Variants in GRAMD1B observed in about 807,000 individuals in gnomAD.
The protein encoded by GRAMD1B is GRAM domain containing 1B, also known as protein Aster-B.
A neutral mutation model predicts 99.7 loss-of-function variants in GRAMD1B; 37 were observed. The ratio of observed to expected loss-of-function variants is 0.37; its 90% confidence interval spans 0.29 to 0.49. The LOEUF is 0.49. Ranked by LOEUF, GRAMD1B falls within the 20% of genes least tolerant of loss-of-function variation. The pLI is 0.98. For synonymous variants in GRAMD1B, 427 were observed against 387.6 expected, an observed-to-expected ratio of 1.10 and a Z score of -1.19; for missense variants, 888 against 1,009.2, an observed-to-expected ratio of 0.88 and a Z score of 1.63.
In GRAMD1B at chr11:123,597,112, T is replaced by G. The variant is rs144865116; in HGVS notation, c.969+1075T>G. Among the ~76,000 whole-genome samples, 599 of 150,588 alleles carry G rather than the reference T, an allele frequency of 4.0e-3. 4 individuals are homozygous for G. Among genetic ancestry groups the G allele is most frequent in the South Asian group, 0.014 (68 of 4,756 alleles). On this transcript the variant is annotated intron_variant, in intron 7 of 19. Coordinates refer to ENST00000635736, the MANE Select transcript of GRAMD1B (RefSeq NM_001387025.1). The stretch of plus-strand genomic sequence containing the variant: ...ATTGTATGTTGGGCTGCAGGCCAAT[T>G]CCAAAGAGTCCAACTCCTTTTTTTT...
At chr11:123,603,108 G>T (rs962547813) in intron 8 of GRAMD1B, among the ~76,000 whole-genome samples, 3 of 152,174 alleles carry the variant, frequency 2.0e-5, no homozygotes, top group African/African-American at 7.2e-5. Flanking sequence ...ACTCAGTGCT[G>T]GACCTTTTCC....
At chr11:123,582,081 G>A (rs1949418207) in intron 3 of GRAMD1B, among the ~76,000 whole-genome samples, 1 of 152,240 alleles carries the variant, frequency 6.6e-6, no homozygotes, top group Non-Finnish European at 1.5e-5. Context: ...CTCGTGACCT[G>A]GGTTGCATTT....
intron 4 of GRAMD1B, among the ~76,000 whole-genome samples, chr11:123,593,094 A>G (rs1419769183): frequency 6.6e-6 from 1 of 151,696 alleles, no homozygotes; most frequent in Non-Finnish European, 1.5e-5. Context: ...TAGCCGGGAG[A>G]GGTGGCACAT....
intron 4 of GRAMD1B, among the ~76,000 whole-genome samples, chr11:123,585,670 C>T (rs369398627): frequency 1.7e-4 from 26 of 152,280 alleles, no homozygotes; most frequent in African/African-American, 5.5e-4. Flanking sequence ...GGGAGCGACC[C>T]GCAGCCCAGC....
At chr11:123,618,671 T>C (rs1954757442) in intron 17 of GRAMD1B, 22 bp from the exon 18 acceptor site, 1 of 1,348,604 alleles carries the variant, frequency 7.4e-7, no homozygotes, top group Admixed American at 1.9e-5. Flanking sequence ...CTGATGTTTT[T>C]TTCCCCACGT....
intron 1 of GRAMD1B, among the ~76,000 whole-genome samples, chr11:123,376,042 G>A (rs1382817112): frequency 2.0e-5 from 3 of 151,658 alleles, no homozygotes; most frequent in African/African-American, 4.8e-5. Context: ...TCACAGTTAC[G>A]CACACTTGGC....
intron 2 of GRAMD1B, among the ~76,000 whole-genome samples, chr11:123,485,058 C>T (rs1353065617): frequency 2.6e-5 from 4 of 152,164 alleles, no homozygotes; most frequent in Admixed American, 2.6e-4. Context: ...CAGTCATCTT[C>T]TTTACTCTTC....
intron 1 of GRAMD1B, among the ~76,000 whole-genome samples, chr11:123,391,055 C>A (rs966093809): frequency 9.2e-5 from 14 of 152,240 alleles, no homozygotes; most frequent in Non-Finnish European, 1.8e-4. Context: ...TCTAAATTTG[C>A]AGTTTCTAAA....
intron 2 of GRAMD1B, among the ~76,000 whole-genome samples, chr11:123,503,642 G>A (rs974637180): frequency 3.9e-5 from 6 of 151,954 alleles, no homozygotes; most frequent in Admixed American, 3.9e-4. Context: ...TGCCTCCCGG[G>A]TTCAAGGCAT....
intron 1 of GRAMD1B, among the ~76,000 whole-genome samples, chr11:123,477,935 T>G (rs1336813838): frequency 2.6e-5 from 4 of 151,722 alleles, no homozygotes; most frequent in African/African-American, 9.7e-5. Context: ...CCACCAAGAC[T>G]GGCTAATTTT....
intron 1 of GRAMD1B, among the ~76,000 whole-genome samples, chr11:123,444,859 G>A (rs1222820031): frequency 6.6e-6 from 1 of 152,180 alleles, no homozygotes; most frequent in Non-Finnish European, 1.5e-5. Context: ...CTGGAAGTTT[G>A]TAGGTGGAGC....
chr11:123,596,517 T>C (rs779578995), intron 7 of GRAMD1B, among the ~76,000 whole-genome samples: 6 of 152,064 alleles, frequency 3.9e-5, no homozygotes, highest in Non-Finnish European at 7.4e-5. Flanking sequence ...ATGGGGAGAA[T>C]ACGTTGGATA....
At chr11:123,383,295 T>G (rs1486793850) in intron 1 of GRAMD1B, among the ~76,000 whole-genome samples, 2 of 152,108 alleles carry the variant, frequency 1.3e-5, no homozygotes, top group African/African-American at 2.4e-5. Flanking sequence ...TTCCAATGTG[T>G]GGCATCTTGA....
intron 1 of GRAMD1B, among the ~76,000 whole-genome samples, chr11:123,449,113 C>G (rs192044032): frequency 6.6e-6 from 1 of 152,180 alleles, no homozygotes; most frequent in Admixed American, 6.5e-5. Flanking sequence ...AAGGCCTTTT[C>G]GTTTGTTTAG....
At chr11:123,432,222 G>A in intron 1 of GRAMD1B, 1 of 392,178 alleles carries the variant, frequency 2.5e-6, no homozygotes, top group Non-Finnish European at 4.5e-6. Context: ...GTAGAGTAAG[G>A]GGTTGTAGAG....
chr11:123,405,977 T>C (rs1166396065), intron 1 of GRAMD1B, among the ~76,000 whole-genome samples: 1 of 152,120 alleles, frequency 6.6e-6, no homozygotes, highest in African/African-American at 2.4e-5. Context: ...TACATCGTGC[T>C]TCTTATTGTG....
At chr11:123,452,478 T>C (rs1337779381) in intron 1 of GRAMD1B, among the ~76,000 whole-genome samples, 1 of 152,086 alleles carries the variant, frequency 6.6e-6, no homozygotes, top group African/African-American at 2.4e-5. Context: ...AAACCCTGTC[T>C]CTACTAAAAA....
chr11:123,467,277 G>A (rs1251930124), intron 1 of GRAMD1B, among the ~76,000 whole-genome samples: 2 of 151,484 alleles, frequency 1.3e-5, no homozygotes, highest in Non-Finnish European at 2.9e-5. Context: ...GCACCTAGGA[G>A]TTTAAGATCA....
At chr11:123,541,122 T>C (rs1276070176) in intron 2 of GRAMD1B, among the ~76,000 whole-genome samples, 1 of 152,118 alleles carries the variant, frequency 6.6e-6, no homozygotes, top group Non-Finnish European at 1.5e-5. Flanking sequence ...TACAGGCATG[T>C]GCCACCACGC....
Sources: allele counts gnomAD v4.1 joint callset (sites outside exome capture counted in the v4.1 genomes callset), GRCh38; gene constraint gnomAD v4.1.1; transcripts MANE v1.5; gene names NCBI Gene and HGNC (gene_info 2026-07-23, HGNC 2026-07-21).